Variants in KCNC3 observed in about 807,000 individuals in gnomAD.
KCNC3 encodes the protein potassium voltage-gated channel subfamily C member 3.
In KCNC3, 22 loss-of-function variants were observed where a neutral mutation model predicts 43.9. That is an observed-to-expected ratio of 0.50 (90% CI 0.36 to 0.72). The LOEUF (loss-of-function observed/expected upper bound fraction) is 0.72, where lower values mean the gene tolerates loss of function less well. Ranked by LOEUF, KCNC3 falls within the 30% of genes least tolerant of loss-of-function variation. KCNC3 has a pLI of 0.00. For synonymous variants in KCNC3, 492 were observed against 488.0 expected (o/e 1.01, Z -0.11); for missense variants, 829 against 1,073.8 (o/e 0.77, Z 3.19).
rs2037133875 is a variant in KCNC3, at chr19:50,328,404, C to G, written c.679G>C (p.Glu227Gln). 7.5e-7 allele frequency: 1 copy of G among 1,331,748 alleles called. No homozygotes were observed. The highest frequency in any genetic ancestry group is 1.6e-5 in the African/African-American group (1 of 64,074). 82.5% of individuals were successfully genotyped at this position (1,331,748 alleles called of 1,614,324 possible). Reference protein sequence around the residue: ...AGAHDGGLDDEAGAGGGGLDG... With the variant: ...AGAHDGGLDDQAGAGGGGLDG... ...AGGCCGCCGCCGCCCGCGCCCGCCT[C>G]GTCGTCCAGGCCTCCGTCGTGGGCG... Residue 227 changes from glutamate to glutamine, a missense_variant, in exon 1 of 5, where the codon GAG (glutamate) becomes CAG (glutamine). Physicochemically the swap from Glu to Gln is conservative, Grantham distance 29 (BLOSUM62 2). Around this residue, in one of 7 missense-constraint regions of KCNC3, gnomAD observed 60 missense variants for 56.0 expected, o/e 1.07. Transcript: ENST00000477616.
At position 50,320,225 on chromosome 19, in the gene KCNC3, C is replaced by G. The variant is rs767506856; in HGVS notation, c.*21G>C. On this transcript the variant is annotated splice_region_variant and 3_prime_UTR_variant, in exon 4 of 5. Coordinates refer to ENST00000477616, the MANE Select transcript of KCNC3 (RefSeq NM_004977.3). Reference sequence around the variant, plus strand: ...ATCAGAGGGTGGGGGCTACTTACCCCGGGGGGAGGGGGTTCGTCCACTAGG... The same window carrying G: ...ATCAGAGGGTGGGGGCTACTTACCCGGGGGGGAGGGGGTTCGTCCACTAGG... 2.1e-4 allele frequency: 60 copies of G among 292,184 alleles called. No homozygotes were observed. The African/African-American group carries it at 3.1e-3, about 15-fold the overall frequency. 18.1% of individuals were successfully genotyped at this position (292,184 alleles called of 1,614,324 possible). A position where few individuals can be genotyped will look rare whatever the true frequency, so the allele number is the denominator to read the frequency against.
At chr19:50,321,246 T>C (rs530225035) in intron 2 of KCNC3, among the ~76,000 whole-genome samples, 93 of 152,048 alleles carry the variant, frequency 6.1e-4, no homozygotes, top group African/African-American at 1.9e-3. Flanking sequence ...GGTGGGAGAA[T>C]TGCTTGAGGC....
At chr19:50,329,771 CG>C (rs2037162004), upstream of KCNC3, 1 of 152,554 alleles carries the variant, frequency 6.6e-6, no homozygotes, top group African/African-American at 2.4e-5. Context: ...AAAGAGGACA[CG>C]GGAAGAACAA....
At chr19:50,320,478 CAAGGGAAGGGGG>C in intron 3 of KCNC3, 103 bp downstream of exon 3, 1 of 1,002,956 alleles carries the variant, frequency 1.0e-6, no homozygotes, top group Non-Finnish European at 1.5e-6. Context: ...AGTTTGGGGC[CAAGGGAAGGGGG>C]AAGGGAAGTC....
rs1462216411 is a variant in KCNC3, at chr19:50,329,034, T to C, written c.49A>G (p.Ser17Gly). Reference protein sequence around the residue: ...VSSFRGRQGASKQQPAPPPQP... With the variant: ...VSSFRGRQGAGKQQPAPPPQP... Reference sequence around the variant, plus strand: ...GGCGGTGGCGCCGGCTGCTGCTTGCTGGCCCCCTGGCGCCCGCGGAAGGAC... The same window carrying C: ...GGCGGTGGCGCCGGCTGCTGCTTGCCGGCCCCCTGGCGCCCGCGGAAGGAC... Residue 17 changes from serine to glycine, a missense_variant, in exon 1 of 5, where the codon AGC (serine) becomes GGC (glycine). Physicochemically the swap from Ser to Gly is moderately conservative, Grantham distance 56. This residue lies in a region of KCNC3 where 129 missense variants were observed against 83.6 expected (regional missense o/e 1.54). Transcript: ENST00000477616. 3.0e-6 allele frequency: 4 copies of C among 1,323,470 alleles called. No individual in the cohort carries two copies. Among genetic ancestry groups the C allele is most frequent in the Middle Eastern group, 2.8e-4 (1 of 3,570 alleles). 82.0% of individuals were successfully genotyped at this position (1,323,470 alleles called of 1,614,324 possible).
Position 50,329,042 on chromosome 19 carries a change from T to A in KCNC3, c.41A>T (p.Gln14Leu). The A allele has an allele frequency of 7.6e-7, 1 of 1,314,092 alleles. No individual in the cohort carries two copies. The highest frequency in any genetic ancestry group is 9.7e-7 in the Non-Finnish European group (1 of 1,034,564). The allele number at this position is 1,314,092 out of a possible 1,614,324, so 81.4% of individuals were successfully genotyped here. A position where few individuals can be genotyped will look rare whatever the true frequency, so the allele number is the denominator to read the frequency against. ...SVCVSSFRGRQGASKQQPAPP... is the reference protein window; with the variant it reads ...SVCVSSFRGRLGASKQQPAPP... ...CGCCGGCTGCTGCTTGCTGGCCCCC[T>A]GGCGCCCGCGGAAGGACGAGACGCA... Residue 14 changes from glutamine (Q) to leucine (L), a missense_variant, in exon 1 of 5, where the codon CAG becomes CTG. Around this residue, in one of 7 missense-constraint regions of KCNC3, gnomAD observed 129 missense variants for 83.6 expected, o/e 1.54. Transcript: ENST00000477616.
intron 1 of KCNC3, among the ~76,000 whole-genome samples, chr19:50,325,669 C>A (rs571733868): frequency 2.0e-5 from 3 of 152,126 alleles, no homozygotes; most frequent in Admixed American, 6.5e-5. Flanking sequence ...TTCCCCGCCC[C>A]CTCCGAGCCG....
Position 50,328,663 on chromosome 19 carries a change from G to C in KCNC3, c.420C>G (p.His140Gln), listed in dbSNP as rs771016811. ...TGAGCACGTACGCGAAGACTCCCGG[G>C]TGCCGGTCAAAGAAGAACTCGTCGG... ...PGADEFFFDRHPGVFAYVLNY... is the reference protein window; with the variant it reads ...PGADEFFFDRQPGVFAYVLNY... Residue 140 changes from histidine (H) to glutamine (Q), a missense_variant, in exon 1 of 5, where the codon CAC (histidine) becomes CAG (glutamine). His to Gln is a conservative substitution (Grantham distance 24, BLOSUM62 0). This residue lies in a region of KCNC3 where 121 missense variants were observed against 247.4 expected (regional missense o/e 0.49). Transcript: ENST00000477616. 6.2e-7 allele frequency: 1 copy of C among 1,611,126 alleles called. No homozygotes were observed. Among genetic ancestry groups the C allele is most frequent in the Non-Finnish European group, 8.5e-7 (1 of 1,179,264 alleles).
chr19:50,329,095 G>C lies in KCNC3; in HGVS notation c.-13C>G, dbSNP rs1312409119. 1 of 592,938 alleles carries C rather than the reference G, an allele frequency of 1.7e-6. No homozygotes were observed. Among genetic ancestry groups the C allele is most frequent in the African/African-American group, 2.0e-5 (1 of 51,102 alleles). 36.7% of individuals were successfully genotyped at this position (592,938 alleles called of 1,614,324 possible). ...CTGAGCTCAGCATTGGACGGGGGGC[G>C]GGGCGGGAGGGGCGGGGACGCAGGG... On this transcript the variant is annotated 5_prime_UTR_variant, in exon 1 of 5. Transcript: ENST00000477616.
intron 2 of KCNC3, among the ~76,000 whole-genome samples, chr19:50,322,589 G>A (rs2037046887): frequency 6.6e-6 from 1 of 152,072 alleles, no homozygotes; most frequent in African/African-American, 2.4e-5. Flanking sequence ...CCTCAGGGCT[G>A]TCTCCCGGAT....
At chr19:50,330,563 G>A (rs1198575406), upstream of KCNC3, among the ~76,000 whole-genome samples, 1 of 152,122 alleles carries the variant, frequency 6.6e-6, no homozygotes, top group East Asian at 1.9e-4. Flanking sequence ...AGGGCGAGGC[G>A]AGAACTTCTA....
Position 50,320,319 on chromosome 19 carries a change from T to A in KCNC3, c.2201A>T (p.Asp734Val). The A allele has an allele frequency of 8.2e-6, 3 of 364,088 alleles. No individual in the cohort carries two copies. The highest frequency in any genetic ancestry group is 1.3e-5 in the Non-Finnish European group (3 of 227,668). 22.6% of individuals were successfully genotyped at this position (364,088 alleles called of 1,614,324 possible). A position where few individuals can be genotyped will look rare whatever the true frequency, so the allele number is the denominator to read the frequency against. ...GCTTGGGGGGCCTGGCTTACGCCAG[T>A]CTTGGGGGGGCAGTGGGGGAGCACC... is the stretch of plus-strand genomic sequence containing the variant. Reference protein sequence around the residue: ...ATGAPPLPPQDWRKPGPPSFL... With the variant: ...ATGAPPLPPQVWRKPGPPSFL... Residue 734 changes from aspartate (D) to valine (V), a missense_variant, in exon 4 of 5, where the codon GAC (aspartate) becomes GTC (valine). By Grantham distance (152) the Asp-to-Val change is radical. Around this residue, in one of 7 missense-constraint regions of KCNC3, gnomAD observed 308 missense variants for 276.2 expected, o/e 1.11. Transcript: ENST00000477616.
chr19:50,331,146 G>C (rs1359668397), upstream of KCNC3, among the ~76,000 whole-genome samples: 1 of 151,452 alleles, frequency 6.6e-6, no homozygotes, highest in Admixed American at 6.6e-5. Flanking sequence ...ACCCCTCTGA[G>C]TCTCCGACCC....
At chr19:50,319,829 G>T (rs1217612458) in intron 4 of KCNC3, among the ~76,000 whole-genome samples, 1 of 152,056 alleles carries the variant, frequency 6.6e-6, no homozygotes, top group Non-Finnish European at 1.5e-5. Context: ...ATTCACAGGG[G>T]CATGGACGGA....
upstream of KCNC3, among the ~76,000 whole-genome samples, chr19:50,333,176 C>A (rs1298969517): frequency 6.6e-6 from 1 of 152,098 alleles, no homozygotes; most frequent in East Asian, 1.9e-4. Flanking sequence ...TTCGCCCCCT[C>A]CCCCGTACTC....
Position 50,323,687 on chromosome 19 carries a change from C to T in KCNC3, c.1266G>A (p.Leu422=). 1 of 1,614,192 alleles carries T rather than the reference C, an allele frequency of 6.2e-7. No individual in the cohort carries two copies. Among genetic ancestry groups the T allele is most frequent in the Non-Finnish European group, 8.5e-7 (1 of 1,180,052 alleles). ...AGTGCCGGGTCAGCTTGAAGATGCGCAGGATGCGGACGAAGCGGACCACCC... is the reference window on the plus strand; with the variant it reads ...AGTGCCGGGTCAGCTTGAAGATGCGTAGGATGCGGACGAAGCGGACCACCC... ...FLRVVRFVRI[L]RIFKLTRHFV... The change falls in exon 2 of 5, where the codon CTG becomes CTA. Residue 422 remains leucine (L), a synonymous_variant. Transcript: ENST00000477616.
Position 50,314,933 on chromosome 19 carries a change from C to T in KCNC3, c.*1182G>A, listed in dbSNP as rs1437554514. 3 of 299,186 alleles carry T rather than the reference C, an allele frequency of 1.0e-5. No homozygotes were observed. Among genetic ancestry groups the T allele is most frequent in the Non-Finnish European group, 2.0e-5 (3 of 153,596 alleles). The allele number at this position is 299,186 out of a possible 1,614,324, so 18.5% of individuals were successfully genotyped here. A position where few individuals can be genotyped will look rare whatever the true frequency, so the allele number is the denominator to read the frequency against. On this transcript the variant is annotated 3_prime_UTR_variant, in exon 5 of 5. Transcript: ENST00000477616. ...AGGGGGGGTGGCAAGGGGCGCGAGG[C>T]GCAGGGACACCCCGCTCAGGCCCGC...
At chr19:50,318,991 C>CAAAAAAAAAAAAAAAAAAAAAAAAAAAA in intron 4 of KCNC3, among the ~76,000 whole-genome samples, 1 of 71,460 alleles carries the variant, frequency 1.4e-5, no homozygotes, top group Non-Finnish European at 2.4e-5. Flanking sequence ...AAGACAGTCT[C>CAAAAAAAAAAAAAAAAAAAAAAAAAAAA]AAAAAAAAAA....
Position 50,323,782 on chromosome 19 carries a change from G to A in KCNC3, c.1171C>T (p.Pro391Ser). The A allele has an allele frequency of 6.2e-7, 1 of 1,614,226 alleles. No individual in the cohort carries two copies. The highest frequency in any genetic ancestry group is 8.5e-7 in the Non-Finnish European group (1 of 1,180,044). ...LNIIDCVAIL[P>S]FYLEVGLSGL... ...GAGAGGCCCACCTCGAGATAGAAGG[G>A]CAGGATGGCCACACAGTCGATGATG... The change falls in exon 2 of 5, where the codon CCC becomes TCC. Residue 391 changes from proline to serine, a missense_variant. Physicochemically the swap from Pro to Ser is moderately conservative, Grantham distance 74. Around this residue, in one of 7 missense-constraint regions of KCNC3, gnomAD observed 157 missense variants for 293.5 expected, o/e 0.53. Transcript: ENST00000477616.
Sources: allele counts gnomAD v4.1 joint callset (sites outside exome capture counted in the v4.1 genomes callset), GRCh38; gene constraint gnomAD v4.1.1; regional missense constraint gnomAD v4.1.1; transcripts MANE v1.5; gene names NCBI Gene and HGNC (gene_info 2026-07-23, HGNC 2026-07-21).